The following PHACTR1 variants were observed in gnomAD, a reference collection of about 807,000 sequenced individuals.
PHACTR1 encodes RPEL repeat containing 1.
Under a neutral mutation model 69.2 loss-of-function variants are expected in PHACTR1, and 16 were observed. The observed-to-expected ratio is 0.23, with a 90% CI of 0.16 to 0.35. The LOEUF is 0.35. Among genes scored for constraint, PHACTR1 ranks in the 10% least tolerant of loss-of-function variants. PHACTR1 has a pLI of 1.00. For synonymous variants in PHACTR1, 312 were observed against 284.5 expected (o/e 1.10, Z -0.97); for missense variants, 510 against 734.7 (o/e 0.69, Z 3.54).
Position 12,957,383 on chromosome 6 carries a change from ACGG to A in PHACTR1, c.251-95980_251-95978del, listed in dbSNP as rs2127561060. 3 of 984,422 alleles carry A rather than the reference ACGG, an allele frequency of 3.0e-6. No individual in the cohort carries two copies. In the South Asian group the frequency reaches 1.4e-4, roughly 46 times the overall value. 61.0% of individuals were successfully genotyped at this position (984,422 alleles called of 1,614,324 possible). On this transcript the variant is annotated intron_variant, in intron 4 of 14. Coordinates refer to ENST00000332995, the MANE Select transcript of PHACTR1 (RefSeq NM_030948.6). The stretch of plus-strand genomic sequence containing the variant: ...GTCAGAAGACTCCCAGAGATTGGGG[ACGG>A]CCGAGGCAGGTCGGGGGTCTGGTTT...
At chr6:12,763,161 T>C (rs1768216224) in intron 4 of PHACTR1, among the ~76,000 whole-genome samples, 1 of 152,074 alleles carries the variant, frequency 6.6e-6, no homozygotes, top group Admixed American at 6.6e-5. Context: ...TGCAGTAAGC[T>C]AAGATCGTGC....
At chr6:13,193,536 G>A (rs1251289982) in intron 7 of PHACTR1, among the ~76,000 whole-genome samples, 2 of 149,988 alleles carry the variant, frequency 1.3e-5, no homozygotes, top group East Asian at 1.9e-4. Context: ...ATAGGCATGC[G>A]CCACTACTCC....
At chr6:13,228,669 T>C (rs911628058) in intron 9 of PHACTR1, among the ~76,000 whole-genome samples, 2 of 152,256 alleles carry the variant, frequency 1.3e-5, no homozygotes, top group East Asian at 1.9e-4. Flanking sequence ...CAACCATGCA[T>C]TGAACATGTA....
intron 4 of PHACTR1, among the ~76,000 whole-genome samples, chr6:13,032,640 T>C (rs1256349941): frequency 6.6e-6 from 1 of 151,956 alleles, no homozygotes; most frequent in Admixed American, 6.6e-5. Flanking sequence ...TTTTTTGACA[T>C]GGGGTCTAGC....
rs187095016 is a variant in PHACTR1, at chr6:13,233,665, A to G, written c.1391+3472A>G. Among the ~76,000 whole-genome samples, 56 of 152,260 alleles carry G rather than the reference A, an allele frequency of 3.7e-4. 2 individuals are homozygous for G. The East Asian group carries it at 0.01, about 27-fold the overall frequency. On this transcript the variant is annotated intron_variant, in intron 10 of 14. Transcript: ENST00000332995. ...CAGCATGAGGGAAACTGCCCCCATG[A>G]TTCAGTTACCTCCACCTGGTCCTGC...
At chr6:13,278,191 C>T (rs969284355) in intron 11 of PHACTR1, 77 bp from the exon 12 acceptor site, 1 of 1,387,242 alleles carries the variant, frequency 7.2e-7, no homozygotes, top group Admixed American at 2.1e-5. Context: ...GGCCTAGAGC[C>T]TGCCAAGGTC....
chr6:12,931,552 A>G (rs894762037), intron 4 of PHACTR1, among the ~76,000 whole-genome samples: 1 of 152,150 alleles, frequency 6.6e-6, no homozygotes, highest in African/African-American at 2.4e-5. Context: ...ACTGTGGGGC[A>G]TTGCTTATGT....
chr6:13,093,477 T>C (rs1205078008), intron 5 of PHACTR1, among the ~76,000 whole-genome samples: 1 of 152,214 alleles, frequency 6.6e-6, no homozygotes, highest in East Asian at 1.9e-4. Context: ...ATCACAGTTA[T>C]TACTGTTCCA....
intron 4 of PHACTR1, among the ~76,000 whole-genome samples, chr6:12,863,507 G>A (rs773014175): frequency 3.3e-5 from 5 of 152,178 alleles, no homozygotes; most frequent in Admixed American, 2.6e-4. Flanking sequence ...CCATAATACT[G>A]TAATATCGAG....
intron 5 of PHACTR1, among the ~76,000 whole-genome samples, chr6:13,077,740 A>G (rs1028964021): frequency 1.3e-5 from 2 of 152,114 alleles, no homozygotes; most frequent in Non-Finnish European, 2.9e-5. Context: ...TTAGGGGGCT[A>G]TCGTAGCAGT....
chr6:12,732,406 G>A (rs1168322440), intron 3 of PHACTR1, among the ~76,000 whole-genome samples: 7 of 151,824 alleles, frequency 4.6e-5, no homozygotes, highest in Non-Finnish European at 1.0e-4. Context: ...GTGCAGGTTT[G>A]TTACATAGGT....
intron 4 of PHACTR1, among the ~76,000 whole-genome samples, chr6:13,015,123 G>A (rs1186809545): frequency 6.6e-6 from 1 of 152,222 alleles, no homozygotes; most frequent in Admixed American, 6.5e-5. Flanking sequence ...CAGCTAGGCA[G>A]GTTTTGCTGT....
At chr6:13,218,820 G>C (rs945849723) in intron 8 of PHACTR1, among the ~76,000 whole-genome samples, 1 of 145,426 alleles carries the variant, frequency 6.9e-6, no homozygotes, top group African/African-American at 2.6e-5. Context: ...GAAGGAGGAG[G>C]AGGAGGAGAA....
At chr6:12,861,189 T>G (rs1172548387) in intron 4 of PHACTR1, among the ~76,000 whole-genome samples, 1 of 152,236 alleles carries the variant, frequency 6.6e-6, no homozygotes, top group Non-Finnish European at 1.5e-5. Context: ...GGACTTCTCT[T>G]GAGCTGCAGG....
At chr6:13,236,582 C>G (rs1398783492) in intron 10 of PHACTR1, among the ~76,000 whole-genome samples, 1 of 152,098 alleles carries the variant, frequency 6.6e-6, no homozygotes, top group African/African-American at 2.4e-5. Flanking sequence ...CAATCTCTGC[C>G]TTCGTCTCTG....
chr6:12,900,662 T>C (rs931854827), intron 4 of PHACTR1, among the ~76,000 whole-genome samples: 1 of 152,218 alleles, frequency 6.6e-6, no homozygotes, highest in Non-Finnish European at 1.5e-5. Context: ...TGTGCCATTG[T>C]ACTCCAGCCT....
chr6:13,163,814 G>C (rs1759395091), intron 6 of PHACTR1, among the ~76,000 whole-genome samples: 3 of 152,050 alleles, frequency 2.0e-5, no homozygotes, highest in Non-Finnish European at 4.4e-5. Flanking sequence ...GTTGTGATGA[G>C]GATTACAGGA....
chr6:13,100,659 C>T (rs1197608141), intron 5 of PHACTR1, among the ~76,000 whole-genome samples: 2 of 152,182 alleles, frequency 1.3e-5, no homozygotes, highest in African/African-American at 4.8e-5. Flanking sequence ...ATTACCCTCA[C>T]CAAATTGTGT....
At chr6:13,127,052 G>A (rs1287746136) in intron 5 of PHACTR1, among the ~76,000 whole-genome samples, 1 of 152,130 alleles carries the variant, frequency 6.6e-6, no homozygotes, top group Non-Finnish European at 1.5e-5. Flanking sequence ...ATGCTGAATT[G>A]GACAGAGCAG....
Sources: gnomAD v4.1 joint callset for allele counts (sites outside exome capture counted in the v4.1 genomes callset) on GRCh38, gnomAD v4.1.1 for gene constraint, MANE v1.5 for transcripts, NCBI Gene and HGNC (gene_info 2026-07-23, HGNC 2026-07-21) for gene names.